The following LRP5 variants were observed in gnomAD, a reference collection of about 807,000 sequenced individuals.
LRP5 encodes the protein LDL receptor related protein 5.
LRP5 carries 62 observed loss-of-function variants against 154.1 expected under a neutral mutation model. That is an observed-to-expected ratio of 0.40 (90% CI 0.33 to 0.50). The LOEUF (loss-of-function observed/expected upper bound fraction) is 0.50. Among genes scored for constraint, LRP5 ranks in the 20% least tolerant of loss-of-function variants. LRP5 has a pLI of 0.55. For missense variants in LRP5, 1,915 were observed against 2,336.7 expected, an observed-to-expected ratio of 0.82 and a Z score of 3.72; for synonymous variants, 966 against 1,011.5, an observed-to-expected ratio of 0.96 and a Z score of 0.85.
intron 5 of LRP5, among the ~76,000 whole-genome samples, chr11:68,368,567 C>T (rs1166175371): frequency 6.6e-6 from 1 of 152,214 alleles, no homozygotes; most frequent in Non-Finnish European, 1.5e-5. Context: ...TTGCAGCGGT[C>T]CCCGCAAATT....
At chr11:68,420,206 G>A (rs1350524254) in intron 13 of LRP5, among the ~76,000 whole-genome samples, 1 of 152,156 alleles carries the variant, frequency 6.6e-6, no homozygotes, top group East Asian at 1.9e-4. Context: ...GAAACTGTCC[G>A]CATTGAACAC....
chr11:68,403,742 T>C, intron 8 of LRP5, 43 bp downstream of exon 8: 1 of 1,607,204 alleles, frequency 6.2e-7, no homozygotes, highest in South Asian at 1.1e-5. Flanking sequence ...CCATGCAGAC[T>C]TGCATGAGGA....
chr11:68,356,143 C>CA (rs2098623027), intron 2 of LRP5, among the ~76,000 whole-genome samples: 1 of 133,274 alleles, frequency 7.5e-6, no homozygotes, highest in Non-Finnish European at 1.6e-5. Flanking sequence ...CGCACCCAGC[C>CA]TTTTTTTTTT....
intron 1 of LRP5, among the ~76,000 whole-genome samples, chr11:68,333,117 G>T (rs915582464): frequency 1.6e-4 from 25 of 152,132 alleles, no homozygotes; most frequent in African/African-American, 6.0e-4. Context: ...CTGCATGAGG[G>T]TTTGAGTGGC....
intron 5 of LRP5, among the ~76,000 whole-genome samples, chr11:68,385,618 ACT>A (rs2098642565): frequency 6.7e-6 from 1 of 149,396 alleles, no homozygotes; most frequent in African/African-American, 2.5e-5. Context: ...TGGTCGTGAA[ACT>A]CTGTGTTAGC....
chr11:68,370,402 G>A (rs1259721895), intron 5 of LRP5, among the ~76,000 whole-genome samples: 2 of 152,120 alleles, frequency 1.3e-5, no homozygotes, highest in Non-Finnish European at 2.9e-5. Context: ...GGCTGCCTGC[G>A]CTCACAGGGG....
rs1171364244 is a variant in LRP5 at position 68,438,517 on chromosome 11, C to A, written c.4183C>A (p.Leu1395Ile). 15 of 1,614,094 alleles carry A rather than the reference C, an allele frequency of 9.3e-6. No individual in the cohort carries two copies. Among genetic ancestry groups the A allele is most frequent in the Non-Finnish European group, 1.3e-5 (15 of 1,180,036 alleles). ...SAIGPVIGII[L>I]SLFVMGGVYF... ...CATCGGGCCCGTCATTGGCATCATC[C>A]TCTCTCTCTTCGTCATGGGTGGTGT... The change falls in exon 20 of 23, where the codon CTC becomes ATC. Residue 1395 changes from leucine to isoleucine, a missense_variant. Leu to Ile is a conservative substitution (Grantham distance 5). Around this residue, in one of 3 missense-constraint regions of LRP5, gnomAD observed 1,094 missense variants for 1,210.1 expected, o/e 0.90. Coordinates refer to ENST00000294304, the MANE Select transcript of LRP5 (RefSeq NM_002335.4).
chr11:68,372,501 A>ACCGTGGCGGCGAGGAGGTGCAGTGGCAGG (rs1565353667), intron 5 of LRP5, among the ~76,000 whole-genome samples: 4 of 151,414 alleles, frequency 2.6e-5, no homozygotes, highest in Admixed American at 6.6e-5. Flanking sequence ...CAGACCGGGG[A>ACCGTGGCGGCGAGGAGGTGCAGTGGCAGG]CTTGGAGCAC....
At chr11:68,365,055 A>G (rs184464189) in intron 4 of LRP5, among the ~76,000 whole-genome samples, 1 of 152,128 alleles carries the variant, frequency 6.6e-6, no homozygotes, top group Non-Finnish European at 1.5e-5. Flanking sequence ...CAGTGTTCCT[A>G]TGGAAGCTGC....
At chr11:68,372,169 G>A (rs568546950) in intron 5 of LRP5, among the ~76,000 whole-genome samples, 15 of 152,202 alleles carry the variant, frequency 9.9e-5, no homozygotes, top group South Asian at 6.2e-4. Flanking sequence ...GTTGGGAGCC[G>A]GCCAAGGAGT....
rs775971156 is a variant in LRP5, at chr11:68,389,925, G to A, written c.1457G>A (p.Cys486Tyr). The change falls in exon 7 of 23, where the codon TGT becomes TAT. Residue 486 changes from cysteine to tyrosine, a missense_variant. Physicochemically the swap from Cys to Tyr is radical, Grantham distance 194. Coordinates refer to ENST00000294304, the MANE Select transcript of LRP5 (RefSeq NM_002335.4). The part of the protein sequence containing the change: ...TDWGENPKIE[C>Y]ANLDGQERRV... ...TGGGGAGAGAACCCTAAAATCGAGT[G>A]TGCCAACTTGGATGGGCAGGAGCGG... 4 of 1,614,134 alleles carry A rather than the reference G, an allele frequency of 2.5e-6. No homozygotes were observed. The African/African-American group carries it at 5.3e-5, about 22-fold the overall frequency.
At chr11:68,441,819 T>G (rs1489192587) in intron 21 of LRP5, among the ~76,000 whole-genome samples, 1 of 152,258 alleles carries the variant, frequency 6.6e-6, no homozygotes, top group Non-Finnish European at 1.5e-5. Flanking sequence ...TTCACAGATG[T>G]GTGCAACCCT....
chr11:68,424,556 T>C (rs983902046), intron 14 of LRP5, among the ~76,000 whole-genome samples: 14 of 152,152 alleles, frequency 9.2e-5, no homozygotes, highest in Non-Finnish European at 1.5e-5. Context: ...TTAGCAGCTG[T>C]GGGGGGCCTG....
rs559496234 is a variant in LRP5 at position 68,415,685 on chromosome 11, C to A, written c.2828-643C>A. On this transcript the variant is annotated intron_variant, in intron 12 of 22. Coordinates refer to ENST00000294304, the MANE Select transcript of LRP5 (RefSeq NM_002335.4). ...GCTTGAACTTGGGAGGTGGAAGTTT[C>A]AAGTGAGCTCATTTTGTGCCACTGC... is the stretch of plus-strand genomic sequence containing the variant. 2.4e-3 allele frequency among the ~76,000 whole-genome samples: 171 copies of A among 70,048 alleles called. 2 individuals carry two copies. Among genetic ancestry groups the A allele is most frequent in the Middle Eastern group, 0.014 (2 of 146 alleles). 46.0% of individuals were successfully genotyped at this position (70,048 alleles called of 152,430 possible). A position where few individuals can be genotyped will look rare whatever the true frequency, so the allele number is the denominator to read the frequency against.
At chr11:68,313,018 G>A (rs2098589710) in intron 1 of LRP5, among the ~76,000 whole-genome samples, 2 of 147,890 alleles carry the variant, frequency 1.4e-5, no homozygotes, top group South Asian at 2.1e-4. Context: ...CCCCGGGGAC[G>A]CTGCGTCCCG....
intron 7 of LRP5, among the ~76,000 whole-genome samples, chr11:68,396,677 C>T (rs900844589): frequency 6.6e-6 from 1 of 152,178 alleles, no homozygotes; most frequent in Non-Finnish European, 1.5e-5. Flanking sequence ...ACTGTGACAG[C>T]TGTCCTGGGA....
rs1565092365 is a variant in LRP5 at position 68,414,013 on chromosome 11, G to A, written c.2827+1G>A. The A allele has an allele frequency of 6.2e-7, 1 of 1,603,220 alleles. No homozygotes were observed. Among genetic ancestry groups the A allele is most frequent in the Non-Finnish European group, 8.5e-7 (1 of 1,179,648 alleles). The stretch of plus-strand genomic sequence containing the variant: ...GACCCCAGCAGCCGCAACTGCAGCC[G>A]TAAGTGCCTCATGGTCCCCCGCACC... On this transcript the variant is annotated splice_donor_variant, in intron 12 of 22. Coordinates refer to ENST00000294304, the MANE Select transcript of LRP5 (RefSeq NM_002335.4). LOFTEE classifies it high-confidence loss of function.
At chr11:68,363,351 T>C (rs1190931876) in intron 3 of LRP5, among the ~76,000 whole-genome samples, 5 of 152,096 alleles carry the variant, frequency 3.3e-5, no homozygotes, top group Non-Finnish European at 7.4e-5. Context: ...CTGGCCTCAC[T>C]TGTCTGGTTG....
At chr11:68,305,546 G>T in the LRP5 span, among the ~76,000 whole-genome samples, 1 of 152,048 alleles carries the variant, frequency 6.6e-6, no homozygotes, top group Non-Finnish European at 1.5e-5. Flanking sequence ...GGGCGCAAGT[G>T]ATTCTCCTGC....
Sources: gnomAD v4.1 joint callset for allele counts (sites outside exome capture counted in the v4.1 genomes callset) on GRCh38, gnomAD v4.1.1 for gene constraint, gnomAD v4.1.1 regional missense constraint, MANE v1.5 for transcripts, NCBI Gene and HGNC (gene_info 2026-07-23, HGNC 2026-07-21) for gene names.